BOC: variants seen among roughly 807,000 people sequenced by gnomAD.
The protein encoded by BOC is BOC cell adhesion associated, oncogene regulated, also known as brother of CDO.
A neutral mutation model predicts 112.0 loss-of-function variants in BOC; 76 were observed. The ratio of observed to expected loss-of-function variants is 0.68; its 90% CI spans 0.56 to 0.82. BOC has a LOEUF of 0.82. Ranked by LOEUF, BOC falls within the 40% of genes least tolerant of loss-of-function variation. The pLI is 0.00. For synonymous variants in BOC, 580 were observed against 599.8 expected (o/e 0.97, Z 0.48); for missense variants, 1,309 against 1,511.7 (o/e 0.87, Z 2.22).
chr3:113,268,247 T>C (rs758048958), intron 4 of BOC, 52 bp from the exon 5 acceptor site: 149 of 1,606,622 alleles, frequency 9.3e-5, no homozygotes, highest in Non-Finnish European at 1.2e-4. Context: ...CCCTGAAATG[T>C]CACACTTTTG....
At chr3:113,235,066 C>T (rs189461973) in intron 2 of BOC, among the ~76,000 whole-genome samples, 1 of 152,312 alleles carries the variant, frequency 6.6e-6, no homozygotes, top group Admixed American at 6.5e-5. Context: ...TTGTGTAAGA[C>T]ATAGGACTTT....
chr3:113,234,311 A>G (rs1208156241), intron 2 of BOC, among the ~76,000 whole-genome samples: 1 of 152,172 alleles, frequency 6.6e-6, no homozygotes, highest in Non-Finnish European at 1.5e-5. Context: ...AAGAAGCTAC[A>G]TTGGAGAACT....
intron 4 of BOC, among the ~76,000 whole-genome samples, chr3:113,262,804 G>T (rs1161326543): frequency 6.6e-6 from 1 of 152,186 alleles, no homozygotes; most frequent in Non-Finnish European, 1.5e-5. Context: ...GAATTGTGTT[G>T]GGACTTTTTG....
intron 2 of BOC, among the ~76,000 whole-genome samples, chr3:113,222,800 G>T (rs889858928): frequency 6.6e-6 from 1 of 152,186 alleles, no homozygotes; most frequent in Non-Finnish European, 1.5e-5. Context: ...CCACTTTGCC[G>T]CCCTCCTCCC....
intron 2 of BOC, among the ~76,000 whole-genome samples, chr3:113,217,200 GT>G (rs1318484692): frequency 6.6e-6 from 1 of 152,184 alleles, no homozygotes; most frequent in Non-Finnish European, 1.5e-5. Flanking sequence ...TAGGGTTGAA[GT>G]GCTTGGAATG....
chr3:113,243,973 A>G (rs1466275238), intron 2 of BOC, among the ~76,000 whole-genome samples: 2 of 152,224 alleles, frequency 1.3e-5, no homozygotes, highest in Non-Finnish European at 2.9e-5. Context: ...CTTCGATCTT[A>G]TAGCTGTGCC....
Position 113,250,581 on chromosome 3 carries a change from C to G in BOC, c.124C>G (p.Pro42Ala), listed in dbSNP as rs1401962620. The change falls in exon 4 of 20, where the codon CCT becomes GCT. Residue 42 changes from proline (P) to alanine (A), a missense_variant. Transcript: ENST00000682979. ...CGAGGTCCCTCAGGTCACCGTCCAG[C>G]CTGCGTCCACCGTCCAGAAGCCCGG... The part of the protein sequence containing the change: ...LNEVPQVTVQ[P>A]ASTVQKPGGT... 2 of 1,613,626 alleles carry G rather than the reference C, an allele frequency of 1.2e-6. No individual in the cohort carries two copies. The highest frequency in any genetic ancestry group is 3.3e-5 in the Admixed American group (2 of 60,002).
intron 2 of BOC, among the ~76,000 whole-genome samples, chr3:113,236,258 G>GTCTATATATACCCA (rs1559821231): frequency 2.2e-4 from 7 of 31,950 alleles, no homozygotes; most frequent in African/African-American, 7.4e-4. Context: ...GTGTGTGTGT[G>GTCTATATATACCCA]TGTGTGTGTA....
rs757961510 is a variant in BOC at position 113,279,469 on chromosome 3, C to T, written c.2023+14C>T. ...GCCTAGAGAAAGGTAGGGGCCTGGC[C>T]ACACCGTGGCCTTGGCCTGATCCCC... On this transcript the variant is annotated intron_variant, in intron 12 of 19. Transcript: ENST00000682979. The T allele has an allele frequency of 3.1e-6, 5 of 1,612,118 alleles. No homozygotes were observed. The highest frequency in any genetic ancestry group is 2.2e-5 in the South Asian group (2 of 91,020).
At chr3:113,236,371 A>G (rs376293274) in intron 2 of BOC, among the ~76,000 whole-genome samples, 1 of 130,522 alleles carries the variant, frequency 7.7e-6, no homozygotes, top group Admixed American at 8.0e-5. Flanking sequence ...GCAGCAACAT[A>G]GATAGAACTG....
At chr3:113,239,006 T>C (rs1299809116) in intron 2 of BOC, among the ~76,000 whole-genome samples, 2 of 152,236 alleles carry the variant, frequency 1.3e-5, no homozygotes, top group Admixed American at 6.5e-5. Flanking sequence ...TTCAATAAAT[T>C]AGCCACTAGC....
At chr3:113,240,395 C>T (rs781273181) in intron 2 of BOC, among the ~76,000 whole-genome samples, 5 of 152,212 alleles carry the variant, frequency 3.3e-5, no homozygotes, top group Non-Finnish European at 5.9e-5. Context: ...TATTGCCACA[C>T]ATACAGTAGG....
Position 113,250,818 on chromosome 3 carries a change from A to G in BOC, c.361A>G (p.Thr121Ala), listed in dbSNP as rs143221773. ...PAGAVASVPA[T>A]VTLANLQDFK... Reference sequence around the variant, plus strand: ...GGGGGCTGTGGCCAGCGTGCCAGCCACTGTGACACTAGCCAGTGAGTCTGC... The same window carrying G: ...GGGGGCTGTGGCCAGCGTGCCAGCCGCTGTGACACTAGCCAGTGAGTCTGC... The change falls in exon 4 of 20, where the codon ACT becomes GCT. Residue 121 changes from threonine (T) to alanine (A), a missense_variant. Physicochemically the swap from Thr to Ala is moderately conservative, Grantham distance 58 (BLOSUM62 0). Transcript: ENST00000682979. The G allele has an allele frequency of 2.5e-6, 4 of 1,613,408 alleles. No homozygotes were observed. In the African/African-American group the frequency reaches 5.3e-5, roughly 22 times the overall value.
intron 2 of BOC, among the ~76,000 whole-genome samples, chr3:113,221,200 G>A (rs1940573257): frequency 1.3e-5 from 2 of 152,238 alleles, no homozygotes; most frequent in South Asian, 2.1e-4. Context: ...AAATGCGTTG[G>A]GAGCAGTCTG....
At chr3:113,228,694 G>A (rs910931266) in intron 2 of BOC, among the ~76,000 whole-genome samples, 1 of 152,204 alleles carries the variant, frequency 6.6e-6, no homozygotes, top group Non-Finnish European at 1.5e-5. Context: ...GTGCACTGCA[G>A]TCCAGCTGCT....
chr3:113,240,401 G>A (rs1944140490), intron 2 of BOC, among the ~76,000 whole-genome samples: 2 of 152,172 alleles, frequency 1.3e-5, no homozygotes, highest in Admixed American at 6.5e-5. Flanking sequence ...CACACATACA[G>A]TAGGAGCCTT....
chr3:113,255,173 T>G (rs902307542), intron 4 of BOC, among the ~76,000 whole-genome samples: 1 of 152,174 alleles, frequency 6.6e-6, no homozygotes, highest in Admixed American at 6.5e-5. Flanking sequence ...TAATTCTTGG[T>G]TTTTGAAATG....
chr3:113,219,516 A>C (rs188457076), intron 2 of BOC, among the ~76,000 whole-genome samples: 201 of 152,366 alleles, frequency 1.3e-3, no homozygotes, highest in African/African-American at 4.5e-3. Flanking sequence ...CAGCTGGTAA[A>C]TGGCAGAGCC....
intron 15 of BOC, among the ~76,000 whole-genome samples, chr3:113,281,787 C>T (rs547059246): frequency 2.0e-5 from 3 of 152,328 alleles, no homozygotes; most frequent in Non-Finnish European, 4.4e-5. Flanking sequence ...GGAATAGAGA[C>T]AGAACAACAC....
Sources: gnomAD v4.1 joint callset for allele counts (sites outside exome capture counted in the v4.1 genomes callset) on GRCh38, gnomAD v4.1.1 for gene constraint, MANE v1.5 for transcripts, NCBI Gene and HGNC (gene_info 2026-07-23, HGNC 2026-07-21) for gene names.